Variants in FRMD4A observed in about 807,000 individuals in gnomAD.
FRMD4A encodes the protein FERM domain-containing protein 4A.
FRMD4A carries 29 observed loss-of-function variants against 129.1 expected under a neutral mutation model. The observed-to-expected ratio is 0.22, with a 90% CI of 0.17 to 0.31. FRMD4A has a LOEUF of 0.31. FRMD4A is among the 10% of genes least tolerant of loss of function. The pLI, the probability that FRMD4A is intolerant of heterozygous loss-of-function variation, is 1.00. For missense variants in FRMD4A, 1,272 were observed against 1,375.8 expected (o/e 0.92, Z 1.19); for synonymous variants, 634 against 571.6 (o/e 1.11, Z -1.56).
Position 13,935,693 on chromosome 10 carries a change from G to A in FRMD4A, c.46-76781C>T, listed in dbSNP as rs186546748. On this transcript the variant is annotated intron_variant, in intron 2 of 24. Coordinates refer to ENST00000357447, the MANE Select transcript of FRMD4A (RefSeq NM_018027.5). The stretch of plus-strand genomic sequence containing the variant: ...TCTAGGAGCCCTTTTTTCAGCACCT[G>A]CGATGTGCCAGGGCTGTGTTGTGCT... 4.1e-4 allele frequency among the ~76,000 whole-genome samples: 63 copies of A among 152,192 alleles called. 1 individual carries two copies. The East Asian group carries it at 7.7e-3, about 19-fold the overall frequency.
intron 2 of FRMD4A, among the ~76,000 whole-genome samples, chr10:14,142,338 G>T (rs1014692726): frequency 6.6e-6 from 1 of 152,140 alleles, no homozygotes; most frequent in Non-Finnish European, 1.5e-5. Flanking sequence ...CTGCTATTAA[G>T]GGAAACTGTC....
chr10:14,009,230 G>A lies in FRMD4A; in HGVS notation c.46-150318C>T, dbSNP rs116780732. Among the ~76,000 whole-genome samples the A allele has an allele frequency of 4.6e-3, 707 of 152,142 alleles. 2 individuals carry two copies. The highest frequency in any genetic ancestry group is 0.016 in the African/African-American group (672 of 41,500). On this transcript the variant is annotated intron_variant, in intron 2 of 24. Coordinates refer to ENST00000357447, the MANE Select transcript of FRMD4A (RefSeq NM_018027.5). Reference sequence around the variant, plus strand: ...TACCTTCCCCATCTCTACTCCTCCTGAAATCGGCTTATTTCCATAGCAGAA... The same window carrying A: ...TACCTTCCCCATCTCTACTCCTCCTAAAATCGGCTTATTTCCATAGCAGAA...
chr10:14,131,730 T>TA (rs564756536), intron 2 of FRMD4A, among the ~76,000 whole-genome samples: 202 of 152,242 alleles, frequency 1.3e-3, no homozygotes, highest in Middle Eastern at 6.8e-3. Flanking sequence ...ACGAGATGAA[T>TA]AAGGTCATTT....
chr10:14,194,323 G>T (rs989114056), intron 2 of FRMD4A, among the ~76,000 whole-genome samples: 3 of 152,112 alleles, frequency 2.0e-5, no homozygotes, highest in Admixed American at 1.3e-4. Context: ...TAAAAAACAC[G>T]GAGGAGGCCG....
At position 13,837,682 on chromosome 10, in the gene FRMD4A, C is replaced by CAGTGCA. The variant is rs796999565; in HGVS notation, c.111+21159_111+21164dup. On this transcript the variant is annotated intron_variant, in intron 3 of 24. Coordinates refer to ENST00000357447, the MANE Select transcript of FRMD4A (RefSeq NM_018027.5). ...GTATGTTCACAGGTACACTGACTGA[C>CAGTGCA]AGTGCAACCTTGCATTCAACAAGAA... 7.9e-5 allele frequency among the ~76,000 whole-genome samples: 12 copies of CAGTGCA among 152,336 alleles called. No individual in the cohort carries two copies. In the South Asian group the frequency reaches 2.5e-3, roughly 32 times the overall value.
intron 4 of FRMD4A, among the ~76,000 whole-genome samples, chr10:13,797,247 C>T (rs2093139933): frequency 6.6e-6 from 1 of 152,164 alleles, no homozygotes; most frequent in Admixed American, 6.5e-5. Context: ...TGCCTTTTTT[C>T]CTGAAGGACT....
At chr10:13,755,693 T>G (rs1393143071) in intron 8 of FRMD4A, among the ~76,000 whole-genome samples, 4 of 152,252 alleles carry the variant, frequency 2.6e-5, no homozygotes, top group African/African-American at 9.6e-5. Flanking sequence ...TTTTCATTTT[T>G]TGTTTTAAAG....
chr10:14,287,567 G>A (rs1188054739), intron 2 of FRMD4A, among the ~76,000 whole-genome samples: 1 of 152,142 alleles, frequency 6.6e-6, no homozygotes, highest in African/African-American at 2.4e-5. Context: ...GTGGGAAAAG[G>A]AGACTGCACC....
intron 2 of FRMD4A, among the ~76,000 whole-genome samples, chr10:14,109,264 G>C (rs776062186): frequency 6.6e-6 from 1 of 150,604 alleles, no homozygotes; most frequent in Non-Finnish European, 1.5e-5. Flanking sequence ...CAATGGGTGA[G>C]ATATTGTACC....
chr10:14,158,344 C>T lies in FRMD4A; in HGVS notation c.45+171714G>A, dbSNP rs1840702945. 2.0e-5 allele frequency among the ~76,000 whole-genome samples: 3 copies of T among 152,154 alleles called. No individual in the cohort carries two copies. The South Asian group carries it at 6.2e-4, about 32-fold the overall frequency. On this transcript the variant is annotated intron_variant, in intron 2 of 24. Transcript: ENST00000357447. Reference sequence around the variant, plus strand: ...TAGCCTCTGTGGTCAAGATTAGTGGCTCATGCCTATAATCTCAGTGCTTTG... The same window carrying T: ...TAGCCTCTGTGGTCAAGATTAGTGGTTCATGCCTATAATCTCAGTGCTTTG...
At chr10:13,818,896 T>C (rs566661098) in intron 3 of FRMD4A, among the ~76,000 whole-genome samples, 1 of 152,238 alleles carries the variant, frequency 6.6e-6, no homozygotes, top group South Asian at 2.1e-4. Flanking sequence ...GAAGCCGAGG[T>C]GGGCAGATCA....
At chr10:13,704,533 T>A (rs1235302300) in intron 13 of FRMD4A, among the ~76,000 whole-genome samples, 1 of 152,102 alleles carries the variant, frequency 6.6e-6, no homozygotes, top group Non-Finnish European at 1.5e-5. Context: ...TAGTTACCCC[T>A]CCAGGTCCAA....
At chr10:14,114,692 C>T (rs1564305178) in intron 2 of FRMD4A, among the ~76,000 whole-genome samples, 1 of 152,144 alleles carries the variant, frequency 6.6e-6, no homozygotes, top group Non-Finnish European at 1.5e-5. Flanking sequence ...TGGCCCAATG[C>T]CTCTTTGGGG....
intron 2 of FRMD4A, among the ~76,000 whole-genome samples, chr10:14,268,288 G>A (rs79424855): frequency 5.3e-5 from 8 of 152,224 alleles, no homozygotes; most frequent in Middle Eastern, 3.4e-3. Flanking sequence ...TAAATGTTAC[G>A]TAGCAAAAGG....
chr10:13,798,880 G>T (rs769603840), intron 4 of FRMD4A, among the ~76,000 whole-genome samples: 6 of 152,170 alleles, frequency 3.9e-5, no homozygotes, highest in Non-Finnish European at 8.8e-5. Context: ...TGCCCCACAG[G>T]TTCCATGATA....
chr10:13,948,139 T>C (rs1187953373), intron 2 of FRMD4A, among the ~76,000 whole-genome samples: 1 of 152,164 alleles, frequency 6.6e-6, no homozygotes, highest in Admixed American at 6.5e-5. Context: ...AATGGACTTG[T>C]AATAAATAAA....
intron 2 of FRMD4A, among the ~76,000 whole-genome samples, chr10:13,929,611 G>A (rs1202377948): frequency 6.6e-6 from 1 of 152,142 alleles, no homozygotes; most frequent in South Asian, 2.1e-4. Context: ...AAAAATTGGG[G>A]GACAGTAGGG....
intron 2 of FRMD4A, among the ~76,000 whole-genome samples, chr10:14,164,529 CCCGTGATT>C (rs1397140311): frequency 6.6e-6 from 1 of 152,172 alleles, no homozygotes; most frequent in African/African-American, 2.4e-5. Flanking sequence ...GGTAGCCCAT[CCCGTGATT>C]CCCGGTGCAC....
intron 2 of FRMD4A, among the ~76,000 whole-genome samples, chr10:14,179,457 A>C (rs1360274986): frequency 6.6e-6 from 1 of 152,168 alleles, no homozygotes; most frequent in African/African-American, 2.4e-5. Flanking sequence ...GGAGTTATGT[A>C]ACTAACATGA....
Sources: gnomAD v4.1 joint callset for allele counts (sites outside exome capture counted in the v4.1 genomes callset) on GRCh38, gnomAD v4.1.1 for gene constraint, MANE v1.5 for transcripts, NCBI Gene and HGNC (gene_info 2026-07-23, HGNC 2026-07-21) for gene names.